PCDH15: variants seen among roughly 807,000 people sequenced by gnomAD.
PCDH15 encodes protocadherin related 15.
A neutral mutation model predicts 178.5 loss-of-function variants in PCDH15; 129 were observed. The observed-to-expected ratio is 0.72, with a 90% CI of 0.63 to 0.84. PCDH15 has a LOEUF of 0.84. Among genes scored for constraint, PCDH15 ranks in the 40% least tolerant of loss-of-function variants. The pLI is 0.00. For synonymous variants in PCDH15, 800 were observed against 732.0 expected, an observed-to-expected ratio of 1.09 and a Z score of -1.50; for missense variants, 2,230 against 2,099.9, an observed-to-expected ratio of 1.06 and a Z score of -1.21.
intron 3 of PCDH15, among the ~76,000 whole-genome samples, chr10:54,494,406 A>G (rs112792298): frequency 1.8e-3 from 277 of 152,224 alleles, no homozygotes; most frequent in African/African-American, 6.0e-3. Flanking sequence ...TGCCTCATAA[A>G]TGATTGGCTA....
At chr10:54,632,175 C>T (rs2093720253) in intron 2 of PCDH15, among the ~76,000 whole-genome samples, 1 of 152,018 alleles carries the variant, frequency 6.6e-6, no homozygotes, top group South Asian at 2.1e-4. Flanking sequence ...AAAATTAACA[C>T]AGGAAGAGAA....
rs532113822 is a variant in PCDH15, at chr10:55,185,537, A to G, written c.-155-18886T>C. On this transcript the variant is annotated intron_variant, in intron 1 of 5. Transcript: ENST00000458638. ...TGCTAGGAGGAAGAGAAATATCAGT[A>G]TATCTCTACAAAAATATGAGGAGTT... is the stretch of plus-strand genomic sequence containing the variant. 2.5e-3 allele frequency among the ~76,000 whole-genome samples: 381 copies of G among 151,938 alleles called. 1 individual carries two copies. The highest frequency in any genetic ancestry group is 4.3e-3 in the Non-Finnish European group (293 of 67,784).
chr10:54,102,671 A>G (rs1422623452), intron 15 of PCDH15, among the ~76,000 whole-genome samples: 1 of 152,180 alleles, frequency 6.6e-6, no homozygotes, highest in East Asian at 1.9e-4. Flanking sequence ...AATGGCTTCC[A>G]TTTGGCCTTT....
At chr10:53,857,114 A>C in intron 28 of PCDH15, 61 bp downstream of exon 28, 2 of 1,209,002 alleles carry the variant, frequency 1.7e-6, no homozygotes, top group Non-Finnish European at 2.4e-6. Context: ...AAAATTTAAA[A>C]AATACAGTTA....
intron 3 of PCDH15, among the ~76,000 whole-genome samples, chr10:54,517,175 A>T (rs1163929478): frequency 1.3e-5 from 2 of 152,186 alleles, no homozygotes; most frequent in Non-Finnish European, 2.9e-5. Flanking sequence ...TAACCAGCTA[A>T]CATCATAATG....
chr10:54,469,254 A>G (rs1164953776), intron 3 of PCDH15, among the ~76,000 whole-genome samples: 2 of 151,900 alleles, frequency 1.3e-5, no homozygotes, highest in Non-Finnish European at 2.9e-5. Context: ...GCACCACCAC[A>G]TCCGGCTAAT....
At chr10:54,303,491 T>C (rs773534618) in intron 8 of PCDH15, among the ~76,000 whole-genome samples, 1 of 152,066 alleles carries the variant, frequency 6.6e-6, no homozygotes, top group Non-Finnish European at 1.5e-5. Context: ...TGGAAATGTA[T>C]TGCTATATAA....
At chr10:53,910,260 G>A (rs192891268) in intron 25 of PCDH15, among the ~76,000 whole-genome samples, 21 of 152,256 alleles carry the variant, frequency 1.4e-4, no homozygotes, top group East Asian at 1.2e-3. Context: ...AGTAGGGGCC[G>A]ACTGACACTG....
chr10:54,278,560 G>A (rs2058481315), intron 8 of PCDH15, among the ~76,000 whole-genome samples: 1 of 151,406 alleles, frequency 6.6e-6, no homozygotes, highest in South Asian at 2.1e-4. Context: ...AGAGATCATG[G>A]TCCTGAAAGT....
chr10:54,658,707 C>A (rs1177737446), intron 2 of PCDH15, among the ~76,000 whole-genome samples: 2 of 152,144 alleles, frequency 1.3e-5, no homozygotes, highest in African/African-American at 4.8e-5. Flanking sequence ...ACAAAGTTCA[C>A]AGATCCCATA....
At chr10:53,812,012 A>T (rs893752707) in intron 35 of PCDH15, among the ~76,000 whole-genome samples, 7 of 152,166 alleles carry the variant, frequency 4.6e-5, no homozygotes, top group Non-Finnish European at 1.0e-4. Flanking sequence ...GGCCTTAAGA[A>T]AAATTATAAC....
chr10:55,301,462 T>C (rs549661760), intron 1 of PCDH15, among the ~76,000 whole-genome samples: 4 of 152,216 alleles, frequency 2.6e-5, no homozygotes, highest in African/African-American at 9.6e-5. Context: ...TTTTTCTTTT[T>C]TAAAGTTGCA....
chr10:54,158,317 AAG>A (rs1254777563), intron 13 of PCDH15, among the ~76,000 whole-genome samples: 1 of 152,160 alleles, frequency 6.6e-6, no homozygotes, highest in Non-Finnish European at 1.5e-5. Flanking sequence ...GGTAGCAGAT[AAG>A]AGAGGAGAGC....
chr10:54,922,344 G>A (rs1056451517), intron 2 of PCDH15, among the ~76,000 whole-genome samples: 2 of 152,124 alleles, frequency 1.3e-5, no homozygotes, highest in Admixed American at 6.6e-5. Context: ...CAGGCATTGG[G>A]TAAATGCTCC....
chr10:54,890,505 T>C (rs926906284), intron 3 of PCDH15, among the ~76,000 whole-genome samples: 3 of 151,866 alleles, frequency 2.0e-5, no homozygotes, highest in African/African-American at 7.3e-5. Context: ...CTATGTGAGA[T>C]TTTTGCTGGT....
rs2092876200 is a variant in PCDH15 at position 54,020,313 on chromosome 10, A to T, written c.2630T>A (p.Leu877Ter). Residue 877 changes from leucine to a stop codon, truncating the protein, a stop_gained, in exon 20 of 38, where the codon TTA (leucine) becomes TAA (stop). Transcript: ENST00000644397. LOFTEE classifies it high-confidence loss of function. Reference sequence around the variant, plus strand: ...AAATGCCTCATAATCTAAACTCCTTAAAAGCGATAGTTCTCCTGTAAATGG... The same window carrying T: ...AAATGCCTCATAATCTAAACTCCTTTAAAGCGATAGTTCTCCTGTAAATGG... The part of the protein sequence containing the change: ...LHPFTGELSL[L>*]RSLDYEAFPD... The T allele has an allele frequency of 3.1e-6, 5 of 1,613,868 alleles. No homozygotes were observed. The highest frequency in any genetic ancestry group is 4.2e-6 in the Non-Finnish European group (5 of 1,179,816).
intron 1 of PCDH15, among the ~76,000 whole-genome samples, chr10:55,278,611 T>C (rs1222294522): frequency 3.3e-5 from 5 of 152,220 alleles, no homozygotes; most frequent in Admixed American, 1.3e-4. Context: ...TAGGATTAGC[T>C]TCAATAAATA....
intron 13 of PCDH15, among the ~76,000 whole-genome samples, chr10:54,165,720 G>GAAATCTCA (rs1182404660): frequency 6.6e-6 from 1 of 152,036 alleles, no homozygotes; most frequent in East Asian, 1.9e-4. Flanking sequence ...ACTTCTTCAA[G>GAAATCTCA]AAATCTCACG....
rs145361368 is a variant in PCDH15, at chr10:54,858,639, C to T, written c.-29+38811G>A. On this transcript the variant is annotated intron_variant, in intron 3 of 5. Transcript: ENST00000458638. ...GGCAACATTATGTAACCACCAGATG[C>T]ATATATAATCTTCACATTGATAGCT... 2.9e-3 allele frequency among the ~76,000 whole-genome samples: 435 copies of T among 152,114 alleles called. 3 individuals carry two copies. The highest frequency in any genetic ancestry group is 9.9e-3 in the African/African-American group (410 of 41,528).
Sources: gnomAD v4.1 joint callset for allele counts (sites outside exome capture counted in the v4.1 genomes callset) on GRCh38, gnomAD v4.1.1 for gene constraint, MANE v1.5 for transcripts, NCBI Gene and HGNC (gene_info 2026-07-23, HGNC 2026-07-21) for gene names.